Variants in ILDR1 observed in about 807,000 individuals in gnomAD.
ILDR1 encodes immunoglobulin like domain containing receptor 1.
ILDR1 carries 56 observed loss-of-function variants against 62.4 expected under a neutral mutation model. The ratio of observed to expected loss-of-function variants is 0.90; its 90% confidence interval spans 0.72 to 1.12. The LOEUF is 1.12. Among genes scored for constraint, ILDR1 ranks in the 50% most tolerant of loss-of-function variants. ILDR1 has a pLI of 0.00. For synonymous variants in ILDR1, 284 were observed against 277.8 expected (o/e 1.02, Z -0.22); for missense variants, 736 against 710.6 (o/e 1.04, Z -0.41).
upstream of ILDR1, among the ~76,000 whole-genome samples, chr3:122,024,016 C>A (rs2071900078): frequency 6.6e-6 from 1 of 151,690 alleles, no homozygotes; most frequent in Non-Finnish European, 1.5e-5. Context: ...TCCCATACCT[C>A]CCCCCCATAC....
At chr3:122,033,280 C>G in the ILDR1 span, among the ~76,000 whole-genome samples, 4 of 150,594 alleles carry the variant, frequency 2.7e-5, no homozygotes, top group Non-Finnish European at 5.9e-5. Context: ...GACTCTTGAA[C>G]TTTTGGATAT....
the ILDR1 span, among the ~76,000 whole-genome samples, chr3:122,061,089 C>T: frequency 2.0e-5 from 3 of 152,040 alleles, no homozygotes; most frequent in African/African-American, 7.3e-5. Flanking sequence ...CAGATTTGCA[C>T]TAAAACATCA....
the ILDR1 span, among the ~76,000 whole-genome samples, chr3:122,059,150 G>A: frequency 6.6e-6 from 1 of 152,086 alleles, no homozygotes; most frequent in Non-Finnish European, 1.5e-5. Flanking sequence ...ATATTTAGGT[G>A]CAAGTTCAAA....
At chr3:122,041,948 G>T in the ILDR1 span, among the ~76,000 whole-genome samples, 1 of 145,524 alleles carries the variant, frequency 6.9e-6, no homozygotes, top group Non-Finnish European at 1.5e-5. Flanking sequence ...TAAGTTTTAG[G>T]GTACATGTGC....
At chr3:122,013,976 T>C (rs2071741249) in intron 1 of ILDR1, among the ~76,000 whole-genome samples, 1 of 152,232 alleles carries the variant, frequency 6.6e-6, no homozygotes, top group Admixed American at 6.5e-5. Context: ...ATTTCATTGA[T>C]GAGGAAAATT....
chr3:122,022,931 A>AAATAAATG (rs1427051777), upstream of ILDR1, among the ~76,000 whole-genome samples: 1 of 149,142 alleles, frequency 6.7e-6, no homozygotes, highest in Non-Finnish European at 1.5e-5. Context: ...ATAAATAAAT[A>AAATAAATG]AATAAATAAA....
chr3:122,038,216 C>G, the ILDR1 span, among the ~76,000 whole-genome samples: 1 of 152,044 alleles, frequency 6.6e-6, no homozygotes, highest in African/African-American at 2.4e-5. Context: ...TCTAATAAAC[C>G]AAGTAAAATA....
chr3:122,002,796 G>C (rs1460587958), intron 3 of ILDR1, among the ~76,000 whole-genome samples: 1 of 152,096 alleles, frequency 6.6e-6, no homozygotes, highest in Non-Finnish European at 1.5e-5. Context: ...ACAGGCCGCG[G>C]TGTGTATTGT....
chr3:121,988,873 T>C (rs536378710), intron 7 of ILDR1, among the ~76,000 whole-genome samples: 3 of 152,386 alleles, frequency 2.0e-5, no homozygotes, highest in Admixed American at 1.3e-4. Context: ...TTCTCTGAAG[T>C]TGTATTTCAG....
chr3:122,037,810 G>A, the ILDR1 span, among the ~76,000 whole-genome samples: 1 of 152,112 alleles, frequency 6.6e-6, no homozygotes, highest in South Asian at 2.1e-4. Flanking sequence ...TGAATTGGAG[G>A]AGAGGCCTGA....
the ILDR1 span, chr3:122,055,438 A>G: frequency 6.3e-7 from 1 of 1,597,030 alleles, no homozygotes; most frequent in Non-Finnish European, 8.6e-7. Flanking sequence ...GCACAGACAC[A>G]CGGATGAGTG....
At chr3:121,991,094 C>T (rs145120814) in intron 7 of ILDR1, among the ~76,000 whole-genome samples, 13 of 151,960 alleles carry the variant, frequency 8.6e-5, no homozygotes, top group South Asian at 2.1e-4. Context: ...CAGCTAATCA[C>T]GAGGCTGAGG....
intron 3 of ILDR1, 136 bp from the exon 4 acceptor site, chr3:122,002,000 C>T: frequency 2.0e-6 from 2 of 1,015,430 alleles, no homozygotes. Flanking sequence ...ATTATCCAGC[C>T]ATGGTGGCAT....
the ILDR1 span, chr3:122,055,348 C>G: frequency 2.8e-6 from 2 of 708,808 alleles, no homozygotes; most frequent in African/African-American, 3.5e-5. Context: ...AGAAAGTTAG[C>G]TGGGTAGGTA....
the ILDR1 span, among the ~76,000 whole-genome samples, chr3:122,028,077 C>T: frequency 1.3e-5 from 2 of 151,808 alleles, no homozygotes; most frequent in Non-Finnish European, 2.9e-5. Context: ...CCTGTAATCC[C>T]ATCACTTTGG....
chr3:122,026,355 G>C (rs1328746565), upstream of ILDR1, among the ~76,000 whole-genome samples: 1 of 152,166 alleles, frequency 6.6e-6, no homozygotes, highest in East Asian at 1.9e-4. Flanking sequence ...ACTGGTGTTG[G>C]AAATGGAGCA....
chr3:122,060,312 G>C, the ILDR1 span, among the ~76,000 whole-genome samples: 1 of 152,196 alleles, frequency 6.6e-6, no homozygotes, highest in Admixed American at 6.5e-5. Flanking sequence ...ACTCCCAGTT[G>C]AGTGGAGGCA....
In ILDR1 at chr3:121,993,875, C is replaced by A; in HGVS notation, c.874G>T (p.Glu292Ter). The change falls in exon 7 of 8, where the codon GAA (glutamate) becomes TAA (stop). Residue 292 changes from glutamate to a stop codon, truncating the protein, a stop_gained. Transcript: ENST00000344209. LOFTEE classifies it high-confidence loss of function. ...TGGGCCAGGTTGAGGTTCCGCAGTTCTTTCTCCAAATACTCCAGGACACCA... is the reference window on the plus strand; with the variant it reads ...TGGGCCAGGTTGAGGTTCCGCAGTTATTTCTCCAAATACTCCAGGACACCA... Reference protein sequence around the residue: ...ANGVLEYLEKELRNLNLAQPL... With the variant: ...ANGVLEYLEK 6.2e-7 allele frequency: 1 copy of A among 1,614,114 alleles called. No homozygotes were observed. Among genetic ancestry groups the A allele is most frequent in the Non-Finnish European group, 8.5e-7 (1 of 1,180,032 alleles).
At chr3:122,040,834 A>G in the ILDR1 span, among the ~76,000 whole-genome samples, 1 of 152,024 alleles carries the variant, frequency 6.6e-6, no homozygotes, top group Non-Finnish European at 1.5e-5. Context: ...GAAAATATAG[A>G]TGACCTTGGG....
Sources: gnomAD v4.1 joint callset for allele counts (sites outside exome capture counted in the v4.1 genomes callset) on GRCh38, gnomAD v4.1.1 for gene constraint, MANE v1.5 for transcripts, NCBI Gene and HGNC (gene_info 2026-07-23, HGNC 2026-07-21) for gene names.